Variants in ALCAM observed in about 807,000 individuals in gnomAD.
ALCAM encodes CD166 antigen.
In ALCAM, 30 loss-of-function variants were observed where a neutral mutation model predicts 70.9. That is an observed-to-expected ratio of 0.42 (90% confidence interval 0.32 to 0.57). ALCAM has a LOEUF of 0.57. Among genes scored for constraint, ALCAM ranks in the 20% least tolerant of loss-of-function variants. ALCAM has a pLI of 0.11. For missense variants in ALCAM, 591 were observed against 695.1 expected (o/e 0.85, Z 1.68); for synonymous variants, 249 against 242.5 (o/e 1.03, Z -0.25).
In ALCAM at chr3:105,385,551, A is replaced by G. The variant is rs138767439; in HGVS notation, c.73+18070A>G. On this transcript the variant is annotated intron_variant, in intron 1 of 15. Transcript: ENST00000306107. The stretch of plus-strand genomic sequence containing the variant: ...TGACGCTTAATTGATAATACATTCT[A>G]GTAAGCCCAAATTTGAATCTCTTCT... 3.3e-5 allele frequency among the ~76,000 whole-genome samples: 5 copies of G among 151,812 alleles called. No homozygotes were observed. The East Asian group carries it at 9.7e-4, about 30-fold the overall frequency.
intron 1 of ALCAM, among the ~76,000 whole-genome samples, chr3:105,438,460 G>A (rs1937100477): frequency 6.6e-6 from 1 of 152,006 alleles, no homozygotes; most frequent in Non-Finnish European, 1.5e-5. Flanking sequence ...ATTCAATAAT[G>A]TATTTATTCA....
intron 1 of ALCAM, among the ~76,000 whole-genome samples, chr3:105,381,066 T>G (rs1445654400): frequency 1.3e-5 from 2 of 151,968 alleles, no homozygotes; most frequent in African/African-American, 2.4e-5. Flanking sequence ...GCTTAAACCC[T>G]CTTCTGTCCT....
intron 12 of ALCAM, among the ~76,000 whole-genome samples, chr3:105,550,950 A>G (rs1272835226): frequency 6.6e-6 from 1 of 151,590 alleles, no homozygotes; most frequent in East Asian, 1.9e-4. Context: ...ATAATCTTCA[A>G]TTCTATAGTT....
chr3:105,503,280 A>T (rs1464501657), intron 1 of ALCAM, among the ~76,000 whole-genome samples: 6 of 152,120 alleles, frequency 3.9e-5, no homozygotes, highest in Admixed American at 3.9e-4. Flanking sequence ...CAGCTTTCCT[A>T]TTTGCCTAGT....
rs1444842966 is a variant in ALCAM, at chr3:105,561,161, C to T, written c.1664+8576C>T. ...ATACATTTTGCAGCTATTATAAATA[C>T]AATTAATTTTGTAATGTTTCCAATT... On this transcript the variant is annotated intron_variant, in intron 14 of 15. Transcript: ENST00000306107. 3.3e-5 allele frequency among the ~76,000 whole-genome samples: 5 copies of T among 152,044 alleles called. No homozygotes were observed. In the East Asian group the frequency reaches 9.6e-4, roughly 29 times the overall value.
At chr3:105,416,465 T>C (rs1936510754) in intron 1 of ALCAM, among the ~76,000 whole-genome samples, 1 of 152,050 alleles carries the variant, frequency 6.6e-6, no homozygotes, top group African/African-American at 2.4e-5. Flanking sequence ...GAAAATTATA[T>C]ATAAAATCAC....
At chr3:105,499,580 A>G (rs1938860966) in intron 1 of ALCAM, among the ~76,000 whole-genome samples, 4 of 152,216 alleles carry the variant, frequency 2.6e-5, no homozygotes, top group Non-Finnish European at 5.9e-5. Flanking sequence ...ACTGTATTCT[A>G]TAAATCAGTT....
At chr3:105,509,985 G>C (rs1445564702) in intron 1 of ALCAM, among the ~76,000 whole-genome samples, 1 of 151,830 alleles carries the variant, frequency 6.6e-6, no homozygotes, top group Non-Finnish European at 1.5e-5. Flanking sequence ...TTATTTTCTG[G>C]AATTTCATAG....
intron 1 of ALCAM, among the ~76,000 whole-genome samples, chr3:105,418,852 T>C (rs995720326): frequency 1.3e-5 from 2 of 151,854 alleles, no homozygotes; most frequent in African/African-American, 4.8e-5. Context: ...GGTCACAAAT[T>C]CTGTTACTTT....
At chr3:105,471,990 G>A (rs796518670) in intron 1 of ALCAM, among the ~76,000 whole-genome samples, 10 of 151,220 alleles carry the variant, frequency 6.6e-5, no homozygotes, top group Non-Finnish European at 1.2e-4. Flanking sequence ...CCATTCTACC[G>A]TCTATTTCTG....
intron 1 of ALCAM, among the ~76,000 whole-genome samples, chr3:105,483,698 T>C (rs1019589908): frequency 3.3e-5 from 5 of 152,098 alleles, no homozygotes; most frequent in African/African-American, 1.2e-4. Flanking sequence ...GTTGGTATAA[T>C]CTAAACAACT....
At chr3:105,393,298 G>A (rs1935868334) in intron 1 of ALCAM, among the ~76,000 whole-genome samples, 1 of 151,364 alleles carries the variant, frequency 6.6e-6, no homozygotes, top group Admixed American at 6.6e-5. Context: ...TAAGCCTAGA[G>A]GATATCTACT....
intron 1 of ALCAM, among the ~76,000 whole-genome samples, chr3:105,391,135 A>G (rs1187808390): frequency 6.6e-6 from 1 of 152,056 alleles, no homozygotes; most frequent in Non-Finnish European, 1.5e-5. Flanking sequence ...CTGTGAAGAA[A>G]GTCAGTGGTA....
At chr3:105,520,372 A>G (rs1043911362) in intron 2 of ALCAM, among the ~76,000 whole-genome samples, 1 of 152,234 alleles carries the variant, frequency 6.6e-6, no homozygotes, top group African/African-American at 2.4e-5. Context: ...AAAGCCAATA[A>G]ACACATAGTT....
At chr3:105,519,305 T>C (rs1282347192) in intron 1 of ALCAM, among the ~76,000 whole-genome samples, 1 of 152,002 alleles carries the variant, frequency 6.6e-6, no homozygotes, top group African/African-American at 2.4e-5. Context: ...TTTAATTTTT[T>C]ATTGTTTATA....
intron 1 of ALCAM, among the ~76,000 whole-genome samples, chr3:105,404,668 A>G (rs1309949297): frequency 3.1e-5 from 3 of 97,722 alleles, no homozygotes; most frequent in Non-Finnish European, 6.2e-5. Context: ...TATAACAATA[A>G]CACAATGAAA....
At chr3:105,541,881 AGATGCAGTAGAG>A (rs1940126022) in intron 8 of ALCAM, 116 bp downstream of exon 8, 1 of 1,237,632 alleles carries the variant, frequency 8.1e-7, no homozygotes, top group Non-Finnish European at 1.1e-6. Context: ...TGGTTGCAAT[AGATGCAGTAGAG>A]AGAGAAAGCA....
At chr3:105,542,693 CATA>C (rs1940151816) in intron 8 of ALCAM, among the ~76,000 whole-genome samples, 2 of 151,786 alleles carry the variant, frequency 1.3e-5, no homozygotes. Context: ...TCATTTGACT[CATA>C]ATACTTTAAA....
At chr3:105,561,859 T>C (rs1940636931) in intron 14 of ALCAM, among the ~76,000 whole-genome samples, 1 of 152,194 alleles carries the variant, frequency 6.6e-6, no homozygotes, top group African/African-American at 2.4e-5. Flanking sequence ...TCCATTGTCC[T>C]CAGGAATACA....
Sources: allele counts gnomAD v4.1 joint callset (sites outside exome capture counted in the v4.1 genomes callset), GRCh38; gene constraint gnomAD v4.1.1; transcripts MANE v1.5; gene names NCBI Gene and HGNC (gene_info 2026-07-23, HGNC 2026-07-21).